The following ADCY1 variants were observed in gnomAD, a reference collection of about 807,000 sequenced individuals.
ADCY1 encodes adenylate cyclase 1, also known as adenylate cyclase type 1.
A neutral mutation model predicts 105.4 loss-of-function variants in ADCY1; 28 were observed. The ratio of observed to expected loss-of-function variants is 0.27; its 90% CI spans 0.20 to 0.36. The LOEUF (loss-of-function observed/expected upper bound fraction) is 0.36. Ranked by LOEUF, ADCY1 falls within the 10% of genes least tolerant of loss-of-function variation. The pLI is 1.00. For missense variants in ADCY1, 977 were observed against 1,434.2 expected (o/e 0.68, Z 5.15); for synonymous variants, 655 against 623.8 (o/e 1.05, Z -0.75).
rs1562677933 is a variant in ADCY1, at chr7:45,592,975, C to G, written c.789+67C>G. ...GGGCTGGGGAGGTGGAAGAAGCTGGCTTCCTGAGCCTCAGTTTACCCCGTG... is the reference window on the plus strand; with the variant it reads ...GGGCTGGGGAGGTGGAAGAAGCTGGGTTCCTGAGCCTCAGTTTACCCCGTG... On this transcript the variant is annotated intron_variant, in intron 2 of 19. Coordinates refer to ENST00000297323, the MANE Select transcript of ADCY1 (RefSeq NM_021116.4). 12 of 1,587,554 alleles carry G rather than the reference C, an allele frequency of 7.6e-6. No homozygotes were observed. In the Admixed American group the frequency reaches 1.6e-4, roughly 21 times the overall value.
At chr7:45,653,186 G>A (rs1287726276) in intron 5 of ADCY1, among the ~76,000 whole-genome samples, 1 of 152,180 alleles carries the variant, frequency 6.6e-6, no homozygotes, top group Non-Finnish European at 1.5e-5. Flanking sequence ...GACTGTGCTG[G>A]TCTTGCTCCT....
chr7:45,584,055 T>C (rs915052865), intron 1 of ADCY1, among the ~76,000 whole-genome samples: 3 of 150,798 alleles, frequency 2.0e-5, no homozygotes, highest in Non-Finnish European at 4.4e-5. Context: ...TCAAGTGATC[T>C]TCCTGTGTCA....
chr7:45,576,433 G>T (rs1405188060), intron 1 of ADCY1, among the ~76,000 whole-genome samples: 1 of 152,100 alleles, frequency 6.6e-6, no homozygotes, highest in African/African-American at 2.4e-5. Context: ...ACCACCATGT[G>T]CTCAACCCGT....
chr7:45,670,677 G>T (rs756236217), intron 8 of ADCY1, among the ~76,000 whole-genome samples: 5 of 151,860 alleles, frequency 3.3e-5, no homozygotes, highest in African/African-American at 1.2e-4. Context: ...GGGTGGACCT[G>T]TGCCCATCAG....
At position 45,713,814 on chromosome 7, in the gene ADCY1, G is replaced by C; in HGVS notation, c.3179G>C (p.Gly1060Ala). The change falls in exon 20 of 20, where the codon GGA (glycine) becomes GCA (alanine). Residue 1060 changes from glycine (G) to alanine (A), a missense_variant. Gly to Ala is a moderately conservative substitution (Grantham distance 60, BLOSUM62 0). Transcript: ENST00000297323. ...LTYFLEGRTD[G>A]NGSQIRSLGL... ...TACTTTCTAGAAGGCAGGACTGATG[G>C]AAACGGCTCCCAAATCAGGTCCCTG... The C allele has an allele frequency of 2.6e-6, 2 of 780,976 alleles. No homozygotes were observed. The highest frequency in any genetic ancestry group is 4.8e-5 in the East Asian group (2 of 41,256). 48.4% of individuals were successfully genotyped at this position (780,976 alleles called of 1,614,324 possible).
intron 4 of ADCY1, among the ~76,000 whole-genome samples, chr7:45,641,946 A>AAAAAAAAAAAAAC: frequency 7.0e-6 from 1 of 143,402 alleles, no homozygotes; most frequent in East Asian, 2.1e-4. Context: ...AAAAAAAAAA[A>AAAAAAAAAAAAAC]TGTCTTTTCA....
At chr7:45,606,350 G>T (rs1280124826) in intron 2 of ADCY1, among the ~76,000 whole-genome samples, 2 of 152,286 alleles carry the variant, frequency 1.3e-5, no homozygotes, top group African/African-American at 4.8e-5. Context: ...AGAGTTTTCA[G>T]TGTCTCTGGC....
rs1435164702 is a variant in ADCY1 at position 45,717,977 on chromosome 7, GGTGGTGGGAGGCGGGGA to G, written c.*3984_*4000del. On this transcript the variant is annotated 3_prime_UTR_variant, in exon 20 of 20. Transcript: ENST00000297323. ...AAGTTTGCCCCATTCTCTGGCTTGG[GGTGGTGGGAGGCGGGGA>G]GCTGCCACTCCCAAAGCCTCCACCC... 2.6e-5 allele frequency: 4 copies of G among 152,454 alleles called. No individual in the cohort carries two copies. Among genetic ancestry groups the G allele is most frequent in the Non-Finnish European group, 4.4e-5 (3 of 68,060 alleles). The allele number at this position is 152,454 out of a possible 1,614,324, so 9.4% of individuals were successfully genotyped here. A position where few individuals can be genotyped will look rare whatever the true frequency, so the allele number is the denominator to read the frequency against.
intron 1 of ADCY1, among the ~76,000 whole-genome samples, chr7:45,580,304 T>C (rs143374629): frequency 6.6e-6 from 1 of 152,196 alleles, no homozygotes; most frequent in Non-Finnish European, 1.5e-5. Flanking sequence ...GTCGCACTGA[T>C]GGAAAGTGGG....
chr7:45,584,843 T>G (rs544858164), intron 1 of ADCY1, among the ~76,000 whole-genome samples: 30 of 152,340 alleles, frequency 2.0e-4, no homozygotes, highest in Admixed American at 1.8e-3. Context: ...GGAAGCAGCA[T>G]TATTGTGGTA....
chr7:45,666,323 C>A (rs546630684), intron 8 of ADCY1, among the ~76,000 whole-genome samples: 13 of 152,284 alleles, frequency 8.5e-5, no homozygotes, highest in Admixed American at 3.3e-4. Flanking sequence ...GTGTGATGTT[C>A]CCCTTCCTGT....
At chr7:45,629,672 C>T (rs920887324) in intron 4 of ADCY1, among the ~76,000 whole-genome samples, 3 of 152,346 alleles carry the variant, frequency 2.0e-5, no homozygotes, top group Non-Finnish European at 4.4e-5. Context: ...GCGCCCGCCA[C>T]TGCGCCCGGC....
intron 4 of ADCY1, among the ~76,000 whole-genome samples, chr7:45,635,617 T>G (rs1216573655): frequency 7.0e-6 from 1 of 141,870 alleles, no homozygotes; most frequent in African/African-American, 2.5e-5. Flanking sequence ...TTTTTTTTTT[T>G]TTTTTTTTTT....
intron 14 of ADCY1, among the ~76,000 whole-genome samples, chr7:45,691,254 C>T (rs929037222): frequency 1.3e-5 from 2 of 152,170 alleles, no homozygotes; most frequent in Non-Finnish European, 2.9e-5. Flanking sequence ...TGGGGCAGCC[C>T]GGGCAAGTCT....
In ADCY1 at chr7:45,697,978, A is replaced by T. The variant is rs117148748; in HGVS notation, c.2455-5398A>T. The stretch of plus-strand genomic sequence containing the variant: ...TTTGCCCTCCAGCTCATGAACTCCA[A>T]TTCCCCCAGCTATGACATCACCACA... On this transcript the variant is annotated intron_variant, in intron 14 of 19. Transcript: ENST00000297323. Among the ~76,000 whole-genome samples the T allele has an allele frequency of 1.5e-3, 225 of 152,294 alleles. 3 individuals carry two copies. The East Asian group carries it at 0.041, about 28-fold the overall frequency.
At chr7:45,667,083 G>C (rs1231558962) in intron 8 of ADCY1, among the ~76,000 whole-genome samples, 1 of 152,162 alleles carries the variant, frequency 6.6e-6, no homozygotes, top group African/African-American at 2.4e-5. Context: ...TAGGTTGCCT[G>C]TTCACTCTAC....
At chr7:45,578,665 G>C (rs1039525706) in intron 1 of ADCY1, among the ~76,000 whole-genome samples, 2 of 152,202 alleles carry the variant, frequency 1.3e-5, no homozygotes, top group African/African-American at 2.4e-5. Flanking sequence ...CTTGGGAAAG[G>C]GGGGCCTGGG....
At position 45,721,718 on chromosome 7, in the gene ADCY1, C is replaced by A. The variant is rs1562740777; in HGVS notation, c.*7723C>A. On this transcript the variant is annotated 3_prime_UTR_variant, in exon 20 of 20. Transcript: ENST00000297323. ...CAGGGGTTAGAGGATGTTCAAAGGG[C>A]CGATTTCAGCAGGAGTTCAGAGGGC... 2 of 398,442 alleles carry A rather than the reference C, an allele frequency of 5.0e-6. No homozygotes were observed. The highest frequency in any genetic ancestry group is 8.8e-6 in the Non-Finnish European group (2 of 226,124). The allele number at this position is 398,442 out of a possible 1,614,324, so 24.7% of individuals were successfully genotyped here.
At chr7:45,665,414 G>A (rs777940220) in intron 8 of ADCY1, among the ~76,000 whole-genome samples, 3 of 152,216 alleles carry the variant, frequency 2.0e-5, no homozygotes, top group South Asian at 2.1e-4. Context: ...CTGAGTCACC[G>A]TGGAACACGT....
Sources: gnomAD v4.1 joint callset for allele counts (sites outside exome capture counted in the v4.1 genomes callset) on GRCh38, gnomAD v4.1.1 for gene constraint, MANE v1.5 for transcripts, NCBI Gene and HGNC (gene_info 2026-07-23, HGNC 2026-07-21) for gene names.